The following UST variants were observed in gnomAD, a reference collection of about 807,000 sequenced individuals.
UST encodes uronyl 2-sulfotransferase, also known as chondroitin sulfate 2-O-sulfotransferase.
A neutral mutation model predicts 45.6 loss-of-function variants in UST; 21 were observed. The ratio of observed to expected loss-of-function variants is 0.46; its 90% CI spans 0.33 to 0.66. The LOEUF (loss-of-function observed/expected upper bound fraction) is 0.66, where lower values mean the gene tolerates loss of function less well. UST is among the 30% of genes least tolerant of loss of function. UST has a pLI of 0.02. For synonymous variants in UST, 215 were observed against 200.6 expected (o/e 1.07, Z -0.61); for missense variants, 463 against 512.4 (o/e 0.90, Z 0.93).
At chr6:148,754,723 T>G (rs1016276363) in intron 1 of UST, among the ~76,000 whole-genome samples, 10 of 152,232 alleles carry the variant, frequency 6.6e-5, no homozygotes, top group Middle Eastern at 3.2e-3. Context: ...TGATACTGAC[T>G]TAAATACAAT....
At chr6:148,918,925 A>G (rs535423288) in intron 2 of UST, among the ~76,000 whole-genome samples, 1 of 152,320 alleles carries the variant, frequency 6.6e-6, no homozygotes, top group South Asian at 2.1e-4. Flanking sequence ...AGATGTATAA[A>G]TATGTATCTT....
At chr6:149,047,601 A>G (rs1776413048) in intron 7 of UST, among the ~76,000 whole-genome samples, 1 of 152,184 alleles carries the variant, frequency 6.6e-6, no homozygotes, top group African/African-American at 2.4e-5. Context: ...TAACAGTTCA[A>G]GCCCTTGTGA....
intron 1 of UST, among the ~76,000 whole-genome samples, chr6:148,747,941 C>G (rs1394078224): frequency 1.3e-5 from 2 of 152,204 alleles, no homozygotes; most frequent in African/African-American, 4.8e-5. Flanking sequence ...TCACCTTCCC[C>G]CCGCCCCACC....
rs1470806521 is a variant in UST at position 148,747,430 on chromosome 6, G to A, written c.-1G>A. 1.4e-6 allele frequency: 2 copies of A among 1,407,052 alleles called. No individual in the cohort carries two copies. Among genetic ancestry groups the A allele is most frequent in the African/African-American group, 1.5e-5 (1 of 66,164 alleles). The allele number at this position is 1,407,052 out of a possible 1,614,324, so 87.2% of individuals were successfully genotyped here. On this transcript the variant is annotated 5_prime_UTR_variant, in exon 1 of 8. Coordinates refer to ENST00000367463, the MANE Select transcript of UST (RefSeq NM_005715.3). ...GGCTGTGGGAGGCAGCGGAGCAGGCGATGAAGAAGAAGCAGCAGCATCCCG... is the reference window on the plus strand; with the variant it reads ...GGCTGTGGGAGGCAGCGGAGCAGGCAATGAAGAAGAAGCAGCAGCATCCCG...
intron 1 of UST, among the ~76,000 whole-genome samples, chr6:148,825,890 C>T (rs772547533): frequency 2.0e-5 from 3 of 152,048 alleles, no homozygotes; most frequent in Non-Finnish European, 4.4e-5. Flanking sequence ...GGGGAAATAC[C>T]TCCCTCATTT....
intron 2 of UST, among the ~76,000 whole-genome samples, chr6:148,894,163 G>A (rs1222817292): frequency 6.6e-6 from 1 of 152,176 alleles, no homozygotes; most frequent in East Asian, 1.9e-4. Flanking sequence ...GATAGGCAGT[G>A]GAGTCCATGT....
rs775772610 is a variant in UST, at chr6:149,074,272, C to A, written c.*156C>A. On this transcript the variant is annotated 3_prime_UTR_variant, in exon 8 of 8. Transcript: ENST00000367463. ...GGTCATTGGGAGATGCCCGGTTTTG[C>A]GGGTTTTATTTGTTTAATTTTATTC... 4.9e-6 allele frequency: 4 copies of A among 813,938 alleles called. No homozygotes were observed. Among genetic ancestry groups the A allele is most frequent in the Non-Finnish European group, 7.5e-6 (4 of 531,446 alleles). 50.4% of individuals were successfully genotyped at this position (813,938 alleles called of 1,614,324 possible).
chr6:149,025,370 G>T (rs1776035960), intron 7 of UST, among the ~76,000 whole-genome samples: 1 of 152,174 alleles, frequency 6.6e-6, no homozygotes, highest in Admixed American at 6.5e-5. Context: ...ACAGAATAGA[G>T]TATCTCAGAA....
chr6:149,027,953 C>T (rs1209101326), intron 7 of UST, among the ~76,000 whole-genome samples: 2 of 151,878 alleles, frequency 1.3e-5, no homozygotes, highest in South Asian at 2.1e-4. Flanking sequence ...AGGCCATTCT[C>T]CTGCCTCAGC....
chr6:148,792,775 A>G (rs1161869622), intron 1 of UST, among the ~76,000 whole-genome samples: 2 of 152,238 alleles, frequency 1.3e-5, no homozygotes, highest in African/African-American at 4.8e-5. Flanking sequence ...GTACTATTCA[A>G]AAATTAATGT....
intron 1 of UST, among the ~76,000 whole-genome samples, chr6:148,794,135 T>A (rs1427859961): frequency 6.6e-6 from 1 of 152,232 alleles, no homozygotes; most frequent in African/African-American, 2.4e-5. Flanking sequence ...CAAGATACTT[T>A]CAACTTTCCT....
At chr6:148,914,839 A>T (rs534429524) in intron 2 of UST, among the ~76,000 whole-genome samples, 5 of 152,294 alleles carry the variant, frequency 3.3e-5, no homozygotes, top group African/African-American at 9.6e-5. Flanking sequence ...ATTGATATTT[A>T]TACATGTAAT....
At chr6:148,950,827 C>T (rs1780349526) in intron 3 of UST, among the ~76,000 whole-genome samples, 1 of 152,174 alleles carries the variant, frequency 6.6e-6, no homozygotes, top group Non-Finnish European at 1.5e-5. Context: ...GCCTCTTAGT[C>T]CACCTCACCC....
At chr6:148,992,106 C>A (rs1781364723) in intron 5 of UST, among the ~76,000 whole-genome samples, 1 of 152,234 alleles carries the variant, frequency 6.6e-6, no homozygotes, top group Non-Finnish European at 1.5e-5. Context: ...TGTTTATGAT[C>A]ATAGCCTTGC....
intron 5 of UST, among the ~76,000 whole-genome samples, chr6:148,996,248 C>T (rs550468160): frequency 1.3e-5 from 2 of 152,172 alleles, no homozygotes; most frequent in African/African-American, 4.8e-5. Context: ...GAGACAGGAT[C>T]TCACTCTGTC....
Position 149,036,353 on chromosome 6 carries a change from C to T in UST, c.937+14872C>T, listed in dbSNP as rs193108092. Among the ~76,000 whole-genome samples the T allele has an allele frequency of 3.9e-5, 6 of 152,342 alleles. No individual in the cohort carries two copies. The East Asian group carries it at 1.2e-3, about 29-fold the overall frequency. ...CTTCAGACTCTCTTCGTCTGCTTTG[C>T]CTAATCGGATGCGTGCCTCCAACCG... On this transcript the variant is annotated intron_variant, in intron 7 of 7. Coordinates refer to ENST00000367463, the MANE Select transcript of UST (RefSeq NM_005715.3).
chr6:149,005,459 T>C (rs1303795278), intron 5 of UST: 1 of 985,312 alleles, frequency 1.0e-6, no homozygotes, highest in Non-Finnish European at 1.2e-6. Context: ...GCAGTGTCTC[T>C]CTGCCTCTCA....
intron 7 of UST, among the ~76,000 whole-genome samples, chr6:149,065,115 G>A (rs1243346214): frequency 1.3e-5 from 2 of 152,116 alleles, no homozygotes; most frequent in African/African-American, 4.8e-5. Flanking sequence ...CTTCTTCATG[G>A]TTAATCCGAC....
chr6:148,993,946 T>G (rs1781401545), intron 5 of UST, among the ~76,000 whole-genome samples: 1 of 144,072 alleles, frequency 6.9e-6, no homozygotes. Context: ...CAGTCTTGAA[T>G]ATTTCTTTCC....
Sources: gnomAD v4.1 joint callset for allele counts (sites outside exome capture counted in the v4.1 genomes callset) on GRCh38, gnomAD v4.1.1 for gene constraint, MANE v1.5 for transcripts, NCBI Gene and HGNC (gene_info 2026-07-23, HGNC 2026-07-21) for gene names.